The following NEGR1 variants were observed in gnomAD, a reference collection of about 807,000 sequenced individuals.
NEGR1 encodes neuronal growth regulator 1.
NEGR1 carries 10 observed loss-of-function variants against 40.9 expected under a neutral mutation model. That is an observed-to-expected ratio of 0.24 (90% confidence interval 0.15 to 0.42). The LOEUF is 0.42. Ranked by LOEUF, NEGR1 falls within the 10% of genes least tolerant of loss-of-function variation. NEGR1 has a pLI of 1.00. For missense variants in NEGR1, 352 were observed against 438.9 expected, an observed-to-expected ratio of 0.80 and a Z score of 1.77; for synonymous variants, 185 against 166.8, an observed-to-expected ratio of 1.11 and a Z score of -0.84.
At chr1:71,450,817 A>C (rs919815197) in intron 6 of NEGR1, among the ~76,000 whole-genome samples, 2 of 152,136 alleles carry the variant, frequency 1.3e-5, no homozygotes, top group African/African-American at 4.8e-5. Context: ...TCAGGGAAAA[A>C]AAGAAAAAAA....
At chr1:71,847,574 G>C (rs574007833) in intron 2 of NEGR1, among the ~76,000 whole-genome samples, 1 of 152,276 alleles carries the variant, frequency 6.6e-6, no homozygotes, top group South Asian at 2.1e-4. Context: ...GGCACCAAAA[G>C]CAGTGCCCAT....
At chr1:71,683,421 A>G (rs1652906670) in intron 4 of NEGR1, among the ~76,000 whole-genome samples, 1 of 141,894 alleles carries the variant, frequency 7.0e-6, no homozygotes, top group Non-Finnish European at 1.5e-5. Context: ...TCTCATTTCA[A>G]TTAATTTTAC....
chr1:71,675,586 G>A (rs1415484916), intron 4 of NEGR1, among the ~76,000 whole-genome samples: 1 of 151,766 alleles, frequency 6.6e-6, no homozygotes, highest in African/African-American at 2.4e-5. Context: ...AAGAGAGCAT[G>A]CATGAGGAAA....
At chr1:71,993,941 A>G (rs781481249) in intron 1 of NEGR1, among the ~76,000 whole-genome samples, 1 of 152,120 alleles carries the variant, frequency 6.6e-6, no homozygotes, top group Admixed American at 6.5e-5. Context: ...CCAGGGCCCC[A>G]GGAATAACTG....
chr1:71,903,839 A>AT (rs1557694637), intron 2 of NEGR1, among the ~76,000 whole-genome samples: 2 of 151,458 alleles, frequency 1.3e-5, no homozygotes, highest in African/African-American at 4.8e-5. Context: ...TATATATATA[A>AT]AAAATGATGT....
intron 3 of NEGR1, among the ~76,000 whole-genome samples, chr1:71,706,162 C>G (rs1057123633): frequency 6.6e-6 from 1 of 152,210 alleles, no homozygotes; most frequent in Non-Finnish European, 1.5e-5. Context: ...CACAGAGCAT[C>G]TTTGGACGCT....
intron 1 of NEGR1, among the ~76,000 whole-genome samples, chr1:72,003,569 T>G (rs1646576622): frequency 6.6e-6 from 1 of 152,058 alleles, no homozygotes; most frequent in African/African-American, 2.4e-5. Flanking sequence ...AAAAAAGCTC[T>G]AAATGGAGGA....
intron 3 of NEGR1, among the ~76,000 whole-genome samples, chr1:71,702,368 TA>T (rs2101633236): frequency 6.6e-6 from 1 of 152,150 alleles, no homozygotes; most frequent in African/African-American, 2.4e-5. Context: ...TATAGGGTGT[TA>T]TGCTGTCATA....
chr1:71,508,454 T>TG (rs1190142851), intron 6 of NEGR1, among the ~76,000 whole-genome samples: 1 of 151,872 alleles, frequency 6.6e-6, no homozygotes, highest in Non-Finnish European at 1.5e-5. Context: ...ATGGCTAGGA[T>TG]GGGCTACTAT....
chr1:71,554,154 T>G (rs1399632797), intron 6 of NEGR1, among the ~76,000 whole-genome samples: 1 of 151,556 alleles, frequency 6.6e-6, no homozygotes, highest in Admixed American at 6.6e-5. Context: ...GGTTTATTTC[T>G]TTATAAATAA....
At chr1:71,782,776 T>C (rs1656762786) in intron 2 of NEGR1, among the ~76,000 whole-genome samples, 1 of 152,178 alleles carries the variant, frequency 6.6e-6, no homozygotes, top group Non-Finnish European at 1.5e-5. Flanking sequence ...AATTATAATT[T>C]CAAGGGTCCT....
chr1:71,414,667 G>A (rs922251852), intron 6 of NEGR1, among the ~76,000 whole-genome samples: 5 of 152,208 alleles, frequency 3.3e-5, no homozygotes, highest in African/African-American at 9.7e-5. Context: ...TTTCTAGGAA[G>A]AGAGCTTTGT....
At chr1:72,180,113 T>G (rs998263193) in intron 1 of NEGR1, among the ~76,000 whole-genome samples, 2 of 152,032 alleles carry the variant, frequency 1.3e-5, no homozygotes, top group African/African-American at 4.8e-5. Context: ...GGCATCACAC[T>G]TACTGATTTA....
intron 3 of NEGR1, among the ~76,000 whole-genome samples, chr1:71,763,500 A>G (rs1342220451): frequency 2.0e-5 from 3 of 152,136 alleles, no homozygotes; most frequent in African/African-American, 7.2e-5. Flanking sequence ...AACATAATTT[A>G]TATTTATTTG....
At chr1:71,947,360 GT>G (rs1157503546) in intron 1 of NEGR1, among the ~76,000 whole-genome samples, 4 of 151,898 alleles carry the variant, frequency 2.6e-5, no homozygotes, top group African/African-American at 9.7e-5. Context: ...GACAGAAACC[GT>G]GAGAAAATCT....
intron 1 of NEGR1, among the ~76,000 whole-genome samples, chr1:72,262,084 G>A (rs532651568): frequency 1.3e-5 from 2 of 151,914 alleles, no homozygotes; most frequent in Non-Finnish European, 2.9e-5. Context: ...GGGGAAAATG[G>A]GCATCTTAGC....
At chr1:72,242,473 C>T (rs540764653) in intron 1 of NEGR1, among the ~76,000 whole-genome samples, 6 of 151,660 alleles carry the variant, frequency 4.0e-5, no homozygotes, top group African/African-American at 1.4e-4. Flanking sequence ...TGCATAGCGA[C>T]TCAATAAATA....
At chr1:72,038,639 T>A (rs1433002664) in intron 1 of NEGR1, among the ~76,000 whole-genome samples, 2 of 152,016 alleles carry the variant, frequency 1.3e-5, no homozygotes, top group Non-Finnish European at 2.9e-5. Context: ...TATAATCTTT[T>A]AAAATAATCA....
intron 4 of NEGR1, among the ~76,000 whole-genome samples, chr1:71,660,826 T>A (rs1233644558): frequency 6.6e-6 from 1 of 152,132 alleles, no homozygotes; most frequent in Non-Finnish European, 1.5e-5. Context: ...CATTAGGTAT[T>A]TCTCCTAATG....
Sources: allele counts gnomAD v4.1 joint callset (sites outside exome capture counted in the v4.1 genomes callset), GRCh38; gene constraint gnomAD v4.1.1; transcripts MANE v1.5; gene names NCBI Gene and HGNC (gene_info 2026-07-23, HGNC 2026-07-21).